Variants in WDFY2 observed in about 807,000 individuals in gnomAD.
WDFY2 encodes WD repeat and FYVE domain containing 2, also known as WD repeat and FYVE domain-containing protein 2.
Under a neutral mutation model 56.4 loss-of-function variants are expected in WDFY2, and 36 were observed. That is an observed-to-expected ratio of 0.64 (90% CI 0.49 to 0.84). The LOEUF (loss-of-function observed/expected upper bound fraction) is 0.84, where lower values mean the gene tolerates loss of function less well. WDFY2 is among the 40% of genes least tolerant of loss of function. The probability of loss-of-function intolerance (pLI) is 0.00; values close to 1 mark genes in which losing one functional copy is unlikely to be tolerated. For synonymous variants in WDFY2, 176 were observed against 183.7 expected, an observed-to-expected ratio of 0.96 and a Z score of 0.34; for missense variants, 444 against 512.2, an observed-to-expected ratio of 0.87 and a Z score of 1.29.
chr13:51,595,001 T>C (rs925261253), intron 1 of WDFY2, among the ~76,000 whole-genome samples: 6 of 152,180 alleles, frequency 3.9e-5, no homozygotes, highest in Admixed American at 3.9e-4. Context: ...TTTTGTAGAG[T>C]TCTGAGCCCC....
At chr13:51,599,848 G>A (rs1326198860) in intron 1 of WDFY2, among the ~76,000 whole-genome samples, 1 of 151,732 alleles carries the variant, frequency 6.6e-6, no homozygotes, top group African/African-American at 2.4e-5. Flanking sequence ...CTTTTGTCAT[G>A]TGGGTGAAAG....
intron 3 of WDFY2, among the ~76,000 whole-genome samples, chr13:51,689,926 C>T (rs143267153): frequency 5.3e-5 from 8 of 152,172 alleles, no homozygotes; most frequent in African/African-American, 1.2e-4. Context: ...TAAGATGTTA[C>T]TTGCCTTTTT....
intron 1 of WDFY2, among the ~76,000 whole-genome samples, chr13:51,619,867 G>A (rs1242582502): frequency 6.6e-6 from 1 of 152,204 alleles, no homozygotes; most frequent in African/African-American, 2.4e-5. Flanking sequence ...ATTTGAACCT[G>A]CCTTGCATAG....
At chr13:51,748,223 G>A (rs145032325) in intron 7 of WDFY2, among the ~76,000 whole-genome samples, 39 of 152,268 alleles carry the variant, frequency 2.6e-4, no homozygotes, top group African/African-American at 7.0e-4. Context: ...TCTCAAGTTA[G>A]CCAACCGTGT....
chr13:51,684,555 G>C (rs936912311), intron 3 of WDFY2, among the ~76,000 whole-genome samples: 1 of 151,902 alleles, frequency 6.6e-6, no homozygotes, highest in African/African-American at 2.4e-5. Context: ...CAAGACTGTG[G>C]CCCATTCTGT....
chr13:51,757,833 CT>C (rs5803569), intron 10 of WDFY2, among the ~76,000 whole-genome samples: 20,257 of 142,188 alleles, frequency 0.14, 1,790 homozygotes, highest in African/African-American at 0.24. Context: ...TATCTTGGTC[CT>C]TTTTTTTTTT....
chr13:51,648,236 A>G (rs1319229040), intron 1 of WDFY2, among the ~76,000 whole-genome samples: 1 of 152,192 alleles, frequency 6.6e-6, no homozygotes, highest in Non-Finnish European at 1.5e-5. Flanking sequence ...AAGGATTCAT[A>G]GTTCCCTCCC....
In WDFY2 at chr13:51,719,280, C is replaced by G. The variant is rs1301523316; in HGVS notation, c.417C>G (p.Ala139=). Residue 139 remains alanine, a synonymous_variant, in exon 5 of 12, where the codon GCC becomes GCG. Coordinates refer to ENST00000298125, the MANE Select transcript of WDFY2 (RefSeq NM_052950.4). ...VLSTGQDKQF[A]WHCSESGQRL... Reference sequence around the variant, plus strand: ...GCACAGGACAGGACAAGCAATTTGCCTGGCACTGCTCTGAGAGTGGGCAGC... The same window carrying G: ...GCACAGGACAGGACAAGCAATTTGCGTGGCACTGCTCTGAGAGTGGGCAGC... 6 of 1,614,008 alleles carry G rather than the reference C, an allele frequency of 3.7e-6. No homozygotes were observed. The Admixed American group carries it at 1.0e-4, about 27-fold the overall frequency.
chr13:51,653,070 A>G (rs1000033571), intron 1 of WDFY2, among the ~76,000 whole-genome samples: 5 of 152,148 alleles, frequency 3.3e-5, no homozygotes, highest in Middle Eastern at 3.2e-3. Flanking sequence ...GTCTTTTCAC[A>G]TAGTCCCATA....
intron 1 of WDFY2, among the ~76,000 whole-genome samples, chr13:51,601,755 A>C (rs1271139951): frequency 6.6e-6 from 1 of 152,116 alleles, no homozygotes; most frequent in Non-Finnish European, 1.5e-5. Flanking sequence ...ACCCTGATTC[A>C]TCGGACTCCA....
intron 2 of WDFY2, among the ~76,000 whole-genome samples, chr13:51,669,865 G>T (rs2138485933): frequency 6.6e-6 from 1 of 152,200 alleles, no homozygotes; most frequent in Middle Eastern, 3.4e-3. Context: ...GTTAAAAGTG[G>T]GGGTCATAAA....
At chr13:51,687,531 G>A (rs1481508241) in intron 3 of WDFY2, among the ~76,000 whole-genome samples, 1 of 151,428 alleles carries the variant, frequency 6.6e-6, no homozygotes, top group Non-Finnish European at 1.5e-5. Context: ...TGGGAAGAGT[G>A]TTTAAGGCAG....
At chr13:51,690,568 G>C (rs1956135597) in intron 3 of WDFY2, among the ~76,000 whole-genome samples, 2 of 151,884 alleles carry the variant, frequency 1.3e-5, no homozygotes, top group South Asian at 4.2e-4. Context: ...GTGTATATGT[G>C]CCACATTTTC....
chr13:51,683,124 CT>C (rs1014315006), intron 3 of WDFY2, among the ~76,000 whole-genome samples: 4 of 152,136 alleles, frequency 2.6e-5, no homozygotes, highest in African/African-American at 9.7e-5. Flanking sequence ...GAATGGATGA[CT>C]GGAGAAGATG....
intron 3 of WDFY2, among the ~76,000 whole-genome samples, chr13:51,691,841 C>A (rs1159258545): frequency 6.6e-6 from 1 of 151,820 alleles, no homozygotes; most frequent in Non-Finnish European, 1.5e-5. Flanking sequence ...ATGGAATGTT[C>A]TTCCATTTGT....
intron 1 of WDFY2, among the ~76,000 whole-genome samples, chr13:51,600,662 G>T (rs1954257134): frequency 6.6e-6 from 1 of 152,154 alleles, no homozygotes; most frequent in Non-Finnish European, 1.5e-5. Flanking sequence ...GTAGAGTCAT[G>T]TTGCAGGGAT....
chr13:51,730,605 G>A (rs1454425731), intron 6 of WDFY2, among the ~76,000 whole-genome samples: 1 of 152,234 alleles, frequency 6.6e-6, no homozygotes, highest in African/African-American at 2.4e-5. Context: ...GCAAGGGCTG[G>A]TGGGGAGCAA....
chr13:51,712,721 A>C (rs1009085300), intron 4 of WDFY2, among the ~76,000 whole-genome samples: 1 of 152,026 alleles, frequency 6.6e-6, no homozygotes, highest in Non-Finnish European at 1.5e-5. Flanking sequence ...AAATTGATAA[A>C]TCTTTAGCCA....
chr13:51,744,096 C>T (rs1359861505), intron 7 of WDFY2, among the ~76,000 whole-genome samples: 5 of 152,160 alleles, frequency 3.3e-5, no homozygotes, highest in African/African-American at 4.8e-5. Context: ...TTGGGATGAC[C>T]CTACATATTA....
Sources: gnomAD v4.1 joint callset for allele counts (sites outside exome capture counted in the v4.1 genomes callset) on GRCh38, gnomAD v4.1.1 for gene constraint, MANE v1.5 for transcripts, NCBI Gene and HGNC (gene_info 2026-07-23, HGNC 2026-07-21) for gene names.